The following LRSAM1 variants were observed in gnomAD, a reference collection of about 807,000 sequenced individuals.
LRSAM1 encodes E3 ubiquitin-protein ligase LRSAM1.
In LRSAM1, 96 loss-of-function variants were observed where a neutral mutation model predicts 118.1. That is an observed-to-expected ratio of 0.81 (90% CI 0.69 to 0.96). The LOEUF (loss-of-function observed/expected upper bound fraction) is 0.96. LRSAM1 is among the 40% of genes least tolerant of loss of function. The pLI is 0.00. For synonymous variants in LRSAM1, 322 were observed against 364.2 expected (o/e 0.88, Z 1.32); for missense variants, 804 against 915.5 (o/e 0.88, Z 1.57).
At chr9:127,481,287 A>G (rs1304139682) in intron 15 of LRSAM1, 60 bp downstream of exon 15, 7 of 1,561,514 alleles carry the variant, frequency 4.5e-6, no homozygotes, top group African/African-American at 1.4e-5. Context: ...GGAGTCCTGC[A>G]CTGTCGCCAG....
Position 127,487,723 on chromosome 9 carries a change from A to G in LRSAM1, c.1307A>G (p.Gln436Arg). The G allele has an allele frequency of 6.2e-7, 1 of 1,613,800 alleles. No homozygotes were observed. Among genetic ancestry groups the G allele is most frequent in the African/African-American group, 1.3e-5 (1 of 75,054 alleles). Residue 436 changes from glutamine (Q) to arginine (R), a missense_variant, in exon 18 of 26, where the codon CAA (glutamine) becomes CGA (arginine). Coordinates refer to ENST00000300417, the MANE Select transcript of LRSAM1 (RefSeq NM_001005373.4). ...ERFQQILSWQQMDQNKAISQI... is the reference protein window; with the variant it reads ...ERFQQILSWQRMDQNKAISQI... ...TTCCAGCAGATTCTGTCGTGGCAGC[A>G]AATGGATCAGAACAAAGCCATCAGC...
chr9:127,461,957 T>C (rs1834764140), intron 8 of LRSAM1, among the ~76,000 whole-genome samples: 1 of 152,218 alleles, frequency 6.6e-6, no homozygotes, highest in South Asian at 2.1e-4. Flanking sequence ...TCACACATCA[T>C]CTACCTGAAC....
chr9:127,477,634 C>T (rs1835388122), intron 11 of LRSAM1, among the ~76,000 whole-genome samples: 1 of 152,130 alleles, frequency 6.6e-6, no homozygotes, highest in African/African-American at 2.4e-5. Flanking sequence ...CCTGCAGTCT[C>T]AGCAACTTAG....
At chr9:127,459,753 T>C (rs1834665011) in intron 7 of LRSAM1, among the ~76,000 whole-genome samples, 1 of 151,942 alleles carries the variant, frequency 6.6e-6, no homozygotes, top group South Asian at 2.1e-4. Flanking sequence ...GAGACTTGTT[T>C]TCACCATGTT....
Position 127,479,970 on chromosome 9 carries a change from C to A in LRSAM1, c.1035C>A (p.Asp345Glu), listed in dbSNP as rs766701971. The A allele has an allele frequency of 6.2e-7, 1 of 1,614,198 alleles. No homozygotes were observed. The highest frequency in any genetic ancestry group is 1.1e-5 in the South Asian group (1 of 91,092). Residue 345 changes from aspartate (D) to glutamate (E), a missense_variant, in exon 14 of 26, where the codon GAC becomes GAA. By Grantham distance (45) the Asp-to-Glu change is conservative. Coordinates refer to ENST00000300417, the MANE Select transcript of LRSAM1 (RefSeq NM_001005373.4). Reference protein sequence around the residue: ...ISSRIQKLLQDNQRQKKSSEI... With the variant: ...ISSRIQKLLQENQRQKKSSEI... ...GCCGGATCCAGAAGCTGCTGCAGGA[C>A]AATCAGAGGTTGGGCTCTGCTCCTC...
At chr9:127,458,434 G>T (rs1177680201) in intron 6 of LRSAM1, among the ~76,000 whole-genome samples, 1 of 151,324 alleles carries the variant, frequency 6.6e-6, no homozygotes. Flanking sequence ...AAAAACACCA[G>T]CAGAGCATGT....
chr9:127,461,115 A>G, intron 7 of LRSAM1, 58 bp from the exon 8 acceptor site: 1 of 1,403,714 alleles, frequency 7.1e-7, no homozygotes, highest in Non-Finnish European at 1.0e-6. Context: ...CGGCCTCCCA[A>G]AGTGCTGGGA....
At chr9:127,459,672 C>CCT (rs756293083) in intron 7 of LRSAM1, among the ~76,000 whole-genome samples, 12 of 152,166 alleles carry the variant, frequency 7.9e-5, no homozygotes, top group Non-Finnish European at 1.8e-4. Context: ...GATTCTCATG[C>CCT]CTCAGCCTCC....
rs1834888477 is a variant in LRSAM1 at position 127,465,351 on chromosome 9, A to G, written c.529-2389A>G. ...TGGGCCCTTGAAATGTGGTGACTGC[A>G]ACCAACCATGGACTCAAACTTTAAA... On this transcript the variant is annotated intron_variant, in intron 9 of 25. Coordinates refer to ENST00000300417, the MANE Select transcript of LRSAM1 (RefSeq NM_001005373.4). The surrounding 1 kb of genome is among the most constrained non-coding windows in gnomAD (Gnocchi z 4.1). Among the ~76,000 whole-genome samples, 1 of 152,200 alleles carries G rather than the reference A, an allele frequency of 6.6e-6. No individual in the cohort carries two copies. The highest frequency in any genetic ancestry group is 6.5e-5 in the Admixed American group (1 of 15,290).
At position 127,473,898 on chromosome 9, in the gene LRSAM1, G is replaced by A. The variant is rs769930277; in HGVS notation, c.717G>A (p.Thr239=). 3.0e-5 allele frequency: 48 copies of A among 1,614,118 alleles called. No individual in the cohort carries two copies. The highest frequency in any genetic ancestry group is 3.8e-5 in the Non-Finnish European group (45 of 1,180,054). The change falls in exon 11 of 26, where the codon ACG becomes ACA. Residue 239 remains threonine (T), a synonymous_variant. Transcript: ENST00000300417. ...ENSRDSPDGP[T]DRFSREELEW... is the part of the protein sequence containing the mutation. The stretch of plus-strand genomic sequence containing the variant: ...CTCGGGACAGCCCTGATGGGCCCAC[G>A]GACAGATTCTCAAGGGAGGAGTTAG...
At chr9:127,463,769 A>G (rs997053066) in intron 9 of LRSAM1, among the ~76,000 whole-genome samples, 1 of 152,224 alleles carries the variant, frequency 6.6e-6, no homozygotes, top group South Asian at 2.1e-4. Context: ...GCTCACGGAA[A>G]GCAGCTCTCA....
intron 7 of LRSAM1, among the ~76,000 whole-genome samples, chr9:127,460,344 T>C (rs1834688242): frequency 6.6e-6 from 1 of 152,194 alleles, no homozygotes; most frequent in Non-Finnish European, 1.5e-5. Flanking sequence ...CTGCTAGCCT[T>C]GCTCACCTCG....
chr9:127,479,338 C>T (rs751296192), intron 12 of LRSAM1, 45 bp from the exon 13 acceptor site: 3 of 1,613,610 alleles, frequency 1.9e-6, no homozygotes, highest in South Asian at 1.1e-5. Context: ...TGTCCTAACT[C>T]CCCCAGGGCC....
intron 11 of LRSAM1, among the ~76,000 whole-genome samples, chr9:127,478,068 A>AG (rs982646635): frequency 1.3e-5 from 2 of 151,982 alleles, no homozygotes; most frequent in Admixed American, 6.6e-5. Flanking sequence ...AAAAAAAAAA[A>AG]AAGAAGAACC....
At chr9:127,496,119 A>C (rs747910258) in intron 23 of LRSAM1, 24 bp downstream of exon 23, 52 of 1,604,820 alleles carry the variant, frequency 3.2e-5, no homozygotes, top group Non-Finnish European at 4.0e-5. Context: ...GTCTGCATGG[A>C]GGGGAGGGGC....
chr9:127,486,383 G>A (rs1444483046), intron 17 of LRSAM1: 1 of 162,582 alleles, frequency 6.2e-6, no homozygotes, highest in East Asian at 1.7e-4. Flanking sequence ...TGTGCTCACT[G>A]GGCACTGTGG....
intron 22 of LRSAM1, 34 bp downstream of exon 22, chr9:127,495,452 G>A: frequency 6.3e-7 from 1 of 1,593,806 alleles, no homozygotes; most frequent in Non-Finnish European, 8.6e-7. Context: ...CGGCCAGGGA[G>A]CCCTGGGGAC....
chr9:127,454,283 T>A (rs1041478431), intron 2 of LRSAM1, among the ~76,000 whole-genome samples: 7 of 151,794 alleles, frequency 4.6e-5, no homozygotes, highest in East Asian at 2.0e-4. Context: ...TCTGCCCCCA[T>A]GGAACTCACT....
intron 17 of LRSAM1, 177 bp from the exon 18 acceptor site, chr9:127,487,499 T>G: frequency 5.0e-6 from 3 of 605,106 alleles, no homozygotes; most frequent in Non-Finnish European, 9.1e-6. Context: ...CTCCAGGCCA[T>G]GGGATTCAGA....
Sources: gnomAD v4.1 joint callset for allele counts (sites outside exome capture counted in the v4.1 genomes callset) on GRCh38, gnomAD v4.1.1 for gene constraint, Gnocchi (gnomAD v3.1) non-coding constraint, MANE v1.5 for transcripts, NCBI Gene and HGNC (gene_info 2026-07-23, HGNC 2026-07-21) for gene names.